Variants in CTNNA3 observed in about 807,000 individuals in gnomAD.
The protein encoded by CTNNA3 is catenin alpha 3, also known as catenin alpha-3.
CTNNA3 carries 76 observed loss-of-function variants against 95.7 expected under a neutral mutation model. The ratio of observed to expected loss-of-function variants is 0.79; its 90% CI spans 0.66 to 0.96. The LOEUF is 0.96. Ranked by LOEUF, CTNNA3 falls within the 40% of genes least tolerant of loss-of-function variation. CTNNA3 has a pLI of 0.00. For synonymous variants in CTNNA3, 431 were observed against 374.4 expected, an observed-to-expected ratio of 1.15 and a Z score of -1.74; for missense variants, 1,191 against 1,089.8, an observed-to-expected ratio of 1.09 and a Z score of -1.31.
At chr10:66,298,092 C>A (rs1014027803) in intron 12 of CTNNA3, among the ~76,000 whole-genome samples, 1 of 152,082 alleles carries the variant, frequency 6.6e-6, no homozygotes, top group Non-Finnish European at 1.5e-5. Flanking sequence ...GTATGTGCAA[C>A]CACAGCAGAA....
intron 13 of CTNNA3, among the ~76,000 whole-genome samples, chr10:66,223,672 G>T (rs1212029239): frequency 1.3e-5 from 2 of 152,160 alleles, no homozygotes; most frequent in Non-Finnish European, 2.9e-5. Flanking sequence ...TCAATTATTG[G>T]CTTGGTATAC....
intron 1 of CTNNA3, among the ~76,000 whole-genome samples, chr10:67,713,022 G>C (rs1443409908): frequency 6.6e-6 from 1 of 152,082 alleles, no homozygotes; most frequent in African/African-American, 2.4e-5. Flanking sequence ...GAACATTTTT[G>C]CAATCTATCC....
At chr10:67,691,154 A>G (rs1280760634) in intron 1 of CTNNA3, among the ~76,000 whole-genome samples, 1 of 152,154 alleles carries the variant, frequency 6.6e-6, no homozygotes, top group East Asian at 1.9e-4. Flanking sequence ...TCGGCCTCCC[A>G]AGGTGCTGGG....
chr10:66,287,741 A>G (rs1381840493), intron 12 of CTNNA3, among the ~76,000 whole-genome samples: 1 of 152,096 alleles, frequency 6.6e-6, no homozygotes, highest in Non-Finnish European at 1.5e-5. Flanking sequence ...TATCCAACCA[A>G]TCCATCAGTT....
chr10:66,116,841 G>A (rs1402775331), intron 13 of CTNNA3, among the ~76,000 whole-genome samples: 1 of 152,098 alleles, frequency 6.6e-6, no homozygotes, highest in Non-Finnish European at 1.5e-5. Context: ...AGCCAAGGGG[G>A]AAGCGCTGCA....
intron 5 of CTNNA3, among the ~76,000 whole-genome samples, chr10:67,466,488 C>T (rs1356765431): frequency 6.6e-6 from 1 of 152,116 alleles, no homozygotes; most frequent in African/African-American, 2.4e-5. Context: ...GCTACCATTG[C>T]TTTTAGGATA....
intron 13 of CTNNA3, among the ~76,000 whole-genome samples, chr10:66,261,096 G>T (rs1463703378): frequency 6.6e-6 from 1 of 152,064 alleles, no homozygotes; most frequent in Non-Finnish European, 1.5e-5. Flanking sequence ...TGTATGTGAA[G>T]TTCCTGTCAG....
At chr10:67,714,111 G>GCC (rs918428234) in intron 1 of CTNNA3, among the ~76,000 whole-genome samples, 3 of 152,192 alleles carry the variant, frequency 2.0e-5, no homozygotes, top group African/African-American at 7.2e-5. Context: ...TGGGACTGGA[G>GCC]CCCCCACACA....
At chr10:67,251,327 G>A (rs1262107335) in intron 5 of CTNNA3, among the ~76,000 whole-genome samples, 1 of 152,158 alleles carries the variant, frequency 6.6e-6, no homozygotes, top group Admixed American at 6.5e-5. Flanking sequence ...TCTGGGGGTT[G>A]GGGGCAGGAG....
chr10:66,981,173 G>A (rs1448985265), intron 7 of CTNNA3, among the ~76,000 whole-genome samples: 1 of 152,118 alleles, frequency 6.6e-6, no homozygotes, highest in Non-Finnish European at 1.5e-5. Flanking sequence ...CAAAGTGCTG[G>A]GATTACAGGC....
chr10:67,174,345 T>C (rs560064048), intron 7 of CTNNA3, among the ~76,000 whole-genome samples: 44 of 152,260 alleles, frequency 2.9e-4, no homozygotes, highest in African/African-American at 8.4e-4. Context: ...GTTTCCTCAA[T>C]AGAGGAACCC....
At chr10:65,947,164 A>G (rs1397710644) in intron 17 of CTNNA3, among the ~76,000 whole-genome samples, 4 of 151,902 alleles carry the variant, frequency 2.6e-5, no homozygotes, top group Non-Finnish European at 5.9e-5. Context: ...TTGGTACAGA[A>G]GCAGAGAACA....
rs564911161 is a variant in CTNNA3, at chr10:65,954,404, A to G, written c.2400+12208T>C. ...TCTTTAGTTTAATTAGATCCCATTC[A>G]TCTATTTTGGCTTTTGTTGCCACTG... On this transcript the variant is annotated intron_variant, in intron 17 of 17. Coordinates refer to ENST00000433211, the MANE Select transcript of CTNNA3 (RefSeq NM_013266.4). 1.5e-4 allele frequency among the ~76,000 whole-genome samples: 23 copies of G among 152,174 alleles called. No homozygotes were observed. The South Asian group carries it at 2.3e-3, about 15-fold the overall frequency.
intron 12 of CTNNA3, among the ~76,000 whole-genome samples, chr10:66,324,185 T>A (rs143594790): frequency 0.056 from 8,426 of 151,742 alleles, 324 homozygotes; most frequent in Middle Eastern, 0.082. Flanking sequence ...CCAGGTGTGG[T>A]GGCGCACACC....
At chr10:67,186,157 G>T (rs1184596779) in intron 6 of CTNNA3, among the ~76,000 whole-genome samples, 3 of 152,156 alleles carry the variant, frequency 2.0e-5, no homozygotes, top group African/African-American at 7.2e-5. Context: ...ATTAGAAGAT[G>T]TGATAGAAAC....
intron 12 of CTNNA3, among the ~76,000 whole-genome samples, chr10:66,364,202 T>C (rs2092695885): frequency 6.6e-6 from 1 of 150,614 alleles, no homozygotes; most frequent in African/African-American, 2.4e-5. Flanking sequence ...AATAATTAAT[T>C]TCAACCATTA....
At chr10:66,040,495 T>C (rs1244267045) in intron 15 of CTNNA3, among the ~76,000 whole-genome samples, 1 of 151,808 alleles carries the variant, frequency 6.6e-6, no homozygotes, top group African/African-American at 2.4e-5. Flanking sequence ...ATCAATGGTA[T>C]ACTAGATAAA....
At chr10:67,165,489 C>T (rs1361774738) in intron 7 of CTNNA3, among the ~76,000 whole-genome samples, 2 of 152,112 alleles carry the variant, frequency 1.3e-5, no homozygotes, top group African/African-American at 2.4e-5. Context: ...TGTGATAAAA[C>T]TATATACATA....
chr10:67,492,249 A>G (rs1423793825), intron 5 of CTNNA3, among the ~76,000 whole-genome samples: 6 of 152,122 alleles, frequency 3.9e-5, no homozygotes, highest in Admixed American at 3.9e-4. Flanking sequence ...TTGGGAGAAA[A>G]AAAAAGAAAA....
Sources: allele counts gnomAD v4.1 joint callset (sites outside exome capture counted in the v4.1 genomes callset), GRCh38; gene constraint gnomAD v4.1.1; transcripts MANE v1.5; gene names NCBI Gene and HGNC (gene_info 2026-07-23, HGNC 2026-07-21).